ACP3: variants seen among roughly 807,000 people sequenced by gnomAD.
ACP3 encodes the protein acid phosphatase 3.
In ACP3, 38 loss-of-function variants were observed where a neutral mutation model predicts 45.6. The ratio of observed to expected loss-of-function variants is 0.83; its 90% CI spans 0.64 to 1.09. The LOEUF (loss-of-function observed/expected upper bound fraction) is 1.09, where lower values mean the gene tolerates loss of function less well. ACP3 is among the 50% of genes least tolerant of loss of function. The pLI is 0.00. For missense variants in ACP3, 466 were observed against 463.2 expected (o/e 1.01, Z -0.05); for synonymous variants, 162 against 164.7 (o/e 0.98, Z 0.13).
Position 132,322,760 on chromosome 3 carries a change from T to C in ACP3, c.120+5184T>C, listed in dbSNP as rs571604255. Among the ~76,000 whole-genome samples the C allele has an allele frequency of 1.7e-4, 26 of 152,342 alleles. No individual in the cohort carries two copies. The East Asian group carries it at 4.8e-3, about 28-fold the overall frequency. On this transcript the variant is annotated intron_variant, in intron 1 of 9. Transcript: ENST00000336375. ...GAATGTTTGTCCCCTCCAAAACTCA[T>C]GTTGAAACTTAATCCCAATGTAACA...
At chr3:132,359,231 G>A (rs185997600), downstream of ACP3, among the ~76,000 whole-genome samples, 156 of 152,350 alleles carry the variant, frequency 1.0e-3, no homozygotes, top group Admixed American at 2.3e-3. Context: ...ATCAGTTTGA[G>A]GCCAGGCGAG....
exon 11 of ACP3, chr3:132,367,711 G>A (rs754229931): frequency 6.2e-7 from 1 of 1,608,390 alleles, no homozygotes; most frequent in Non-Finnish European, 8.5e-7. Context: ...CAGTTCTAAA[G>A]GTCATCTTTG....
At chr3:132,321,010 G>T (rs2107791193) in intron 1 of ACP3, among the ~76,000 whole-genome samples, 1 of 152,170 alleles carries the variant, frequency 6.6e-6, no homozygotes, top group South Asian at 2.1e-4. Flanking sequence ...CTATATACTG[G>T]AATGGGTAAC....
rs5852699 is a variant in ACP3, at chr3:132,320,652, G to GTTT, written c.120+3090_120+3092dup. On this transcript the variant is annotated intron_variant, in intron 1 of 9. Coordinates refer to ENST00000336375, the MANE Select transcript of ACP3 (RefSeq NM_001099.5). ...TAATCAAGTAATATAATATTCTTGG[G>GTTT]TTTTTTTTTTTTTTTTGAGACAGAG... Among the ~76,000 whole-genome samples, 6 of 133,060 alleles carry GTTT rather than the reference G, an allele frequency of 4.5e-5. 1 individual carries two copies. In the South Asian group the frequency reaches 9.5e-4, roughly 21 times the overall value. The allele number at this position is 133,060 out of a possible 152,430, so 87.3% of individuals were successfully genotyped here.
chr3:132,362,866 C>T (rs562551596), downstream of ACP3, among the ~76,000 whole-genome samples: 1 of 152,294 alleles, frequency 6.6e-6, no homozygotes, highest in African/African-American at 2.4e-5. Flanking sequence ...CTAAGTGCTC[C>T]ATAGGTCAAG....
At chr3:132,353,110 G>GTA (rs542465949) in intron 9 of ACP3, among the ~76,000 whole-genome samples, 1 of 152,146 alleles carries the variant, frequency 6.6e-6, no homozygotes. Flanking sequence ...GGCATGTATT[G>GTA]TATATATACT....
At chr3:132,348,801 A>T (rs1278711160) in intron 7 of ACP3, among the ~76,000 whole-genome samples, 1 of 152,102 alleles carries the variant, frequency 6.6e-6, no homozygotes, top group Non-Finnish European at 1.5e-5. Context: ...CTCCTTAATT[A>T]ACCCTTTTTT....
chr3:132,358,742 A>G lies in ACP3; in HGVS notation c.*1864A>G, dbSNP rs1010834595. 6.1e-6 allele frequency: 6 copies of G among 989,594 alleles called. No homozygotes were observed. Among genetic ancestry groups the G allele is most frequent in the Non-Finnish European group, 7.2e-6 (6 of 832,350 alleles). The allele number at this position is 989,594 out of a possible 1,614,324, so 61.3% of individuals were successfully genotyped here. A position where few individuals can be genotyped will look rare whatever the true frequency, so the allele number is the denominator to read the frequency against. ...CAAATGTAAAATAGTGAATAAAGTCATTATTAGGAAGTTCAAAAGCATTGC... is the reference window on the plus strand; with the variant it reads ...CAAATGTAAAATAGTGAATAAAGTCGTTATTAGGAAGTTCAAAAGCATTGC... On this transcript the variant is annotated 3_prime_UTR_variant, in exon 10 of 10. Coordinates refer to ENST00000336375, the MANE Select transcript of ACP3 (RefSeq NM_001099.5).
chr3:132,318,857 T>C (rs1937154723), intron 1 of ACP3, among the ~76,000 whole-genome samples: 1 of 152,226 alleles, frequency 6.6e-6, no homozygotes, highest in Non-Finnish European at 1.5e-5. Flanking sequence ...ACTGTAAACC[T>C]GTGACAAGCT....
chr3:132,326,946 G>C (rs984232152), intron 1 of ACP3, among the ~76,000 whole-genome samples: 1 of 152,176 alleles, frequency 6.6e-6, no homozygotes, highest in Non-Finnish European at 1.5e-5. Flanking sequence ...TCATAAGATG[G>C]CTTTGTGTTT....
In ACP3 at chr3:132,358,316, T is replaced by A. The variant is rs775761918; in HGVS notation, c.*1438T>A. The A allele has an allele frequency of 4.5e-6, 5 of 1,112,458 alleles. No individual in the cohort carries two copies. The Admixed American group carries it at 1.6e-4, about 37-fold the overall frequency. The allele number at this position is 1,112,458 out of a possible 1,614,324, so 68.9% of individuals were successfully genotyped here. On this transcript the variant is annotated 3_prime_UTR_variant, in exon 10 of 10. Coordinates refer to ENST00000336375, the MANE Select transcript of ACP3 (RefSeq NM_001099.5). ...TAAGTGCCTCCAAGTTCAAAACTTA[T>A]TGGAATGTTGAGAGTGTGGTTACGA...
At position 132,345,004 on chromosome 3, in the gene ACP3, C is replaced by T. The variant is rs768627199; in HGVS notation, c.726C>T (p.Ser242=). 4.3e-6 allele frequency: 7 copies of T among 1,613,542 alleles called. No homozygotes were observed. In the African/African-American group the frequency reaches 9.4e-5, roughly 22 times the overall value. The change falls in exon 7 of 10, where the codon TCC becomes TCT. Residue 242 remains serine (S), a synonymous_variant. Coordinates refer to ENST00000336375, the MANE Select transcript of ACP3 (RefSeq NM_001099.5). Reference sequence around the variant, plus strand: ...AGTTGAGAGAATTGTCAGAATTGTCCCTCCTGTCCCTCTATGGAATTCACA... The same window carrying T: ...AGTTGAGAGAATTGTCAGAATTGTCTCTCCTGTCCCTCTATGGAATTCACA... The part of the protein sequence containing the change: ...MTKLRELSEL[S]LLSLYGIHKQ...
chr3:132,352,346 T>C (rs1211542957), intron 8 of ACP3, among the ~76,000 whole-genome samples: 2 of 147,372 alleles, frequency 1.4e-5, no homozygotes, highest in African/African-American at 2.5e-5. Flanking sequence ...TACAGGCCCA[T>C]GCCACCACAC....
At chr3:132,335,909 G>C (rs954737593) in intron 4 of ACP3, among the ~76,000 whole-genome samples, 1 of 152,128 alleles carries the variant, frequency 6.6e-6, no homozygotes, top group Non-Finnish European at 1.5e-5. Flanking sequence ...AGCCAATGAA[G>C]GTCATGAACC....
intron 4 of ACP3, among the ~76,000 whole-genome samples, chr3:132,337,130 G>A (rs1182902041): frequency 2.0e-5 from 3 of 151,828 alleles, no homozygotes; most frequent in African/African-American, 7.3e-5. Flanking sequence ...AGAAATGAAA[G>A]TGATTGGGAA....
chr3:132,326,067 T>G (rs940305828), intron 1 of ACP3, among the ~76,000 whole-genome samples: 5 of 152,176 alleles, frequency 3.3e-5, no homozygotes, highest in Non-Finnish European at 2.9e-5. Flanking sequence ...GCTAACTCAG[T>G]GGCTCTCAAC....
chr3:132,337,315 G>T, intron 4 of ACP3, 141 bp from the exon 5 acceptor site: 1 of 515,648 alleles, frequency 1.9e-6, no homozygotes, highest in Non-Finnish European at 3.5e-6. Context: ...CCCAATTTTG[G>T]AATTTCCACT....
intron 10 of ACP3, chr3:132,367,659 C>G: frequency 7.1e-7 from 1 of 1,412,640 alleles, no homozygotes; most frequent in Non-Finnish European, 1.0e-6. Context: ...TCCTATTTTC[C>G]TAATGCATTA....
At chr3:132,338,450 A>T (rs1236358326) in intron 5 of ACP3, among the ~76,000 whole-genome samples, 2 of 152,044 alleles carry the variant, frequency 1.3e-5, no homozygotes, top group East Asian at 3.8e-4. Flanking sequence ...GTCATTTTTC[A>T]ATCTTTCATT....
Sources: gnomAD v4.1 joint callset for allele counts (sites outside exome capture counted in the v4.1 genomes callset) on GRCh38, gnomAD v4.1.1 for gene constraint, MANE v1.5 for transcripts, NCBI Gene and HGNC (gene_info 2026-07-23, HGNC 2026-07-21) for gene names.